CBLB: variants seen among roughly 807,000 people sequenced by gnomAD.
CBLB encodes the protein E3 ubiquitin-protein ligase CBL-B.
CBLB carries 31 observed loss-of-function variants against 104.9 expected under a neutral mutation model. The observed-to-expected ratio is 0.30, with a 90% confidence interval of 0.22 to 0.40. The LOEUF (loss-of-function observed/expected upper bound fraction) is 0.40. Ranked by LOEUF, CBLB falls within the 10% of genes least tolerant of loss-of-function variation. The pLI is 1.00. For missense variants in CBLB, 1,062 were observed against 1,214.6 expected (o/e 0.87, Z 1.87); for synonymous variants, 440 against 422.6 (o/e 1.04, Z -0.51).
chr3:105,855,515 TTAAA>T (rs2091488626), intron 2 of CBLB, among the ~76,000 whole-genome samples: 1 of 152,226 alleles, frequency 6.6e-6, no homozygotes, highest in African/African-American at 2.4e-5. Context: ...GTTATACACC[TTAAA>T]TAAATACAAT....
chr3:105,788,195 G>A (rs111939532), intron 3 of CBLB, among the ~76,000 whole-genome samples: 176 of 152,170 alleles, frequency 1.2e-3, no homozygotes, highest in African/African-American at 4.0e-3. Context: ...TCAATAATGT[G>A]ATCCAAATAT....
intron 12 of CBLB, among the ~76,000 whole-genome samples, chr3:105,694,512 G>A (rs1023062337): frequency 1.3e-5 from 2 of 151,812 alleles, no homozygotes; most frequent in Non-Finnish European, 2.9e-5. Context: ...TACATGTAAA[G>A]TAATTTGAGC....
intron 9 of CBLB, among the ~76,000 whole-genome samples, chr3:105,725,525 C>A (rs543998915): frequency 4.7e-4 from 71 of 152,328 alleles, no homozygotes; most frequent in African/African-American, 1.5e-3. Context: ...ACTTATTCTA[C>A]CAGATTTTAT....
Position 105,868,899 on chromosome 3 carries a change from A to G in CBLB, c.-178T>C. 1 of 1,009,512 alleles carries G rather than the reference A, an allele frequency of 9.9e-7. No individual in the cohort carries two copies. The highest frequency in any genetic ancestry group is 1.1e-4 in the East Asian group (1 of 8,864). The allele number at this position is 1,009,512 out of a possible 1,614,324, so 62.5% of individuals were successfully genotyped here. On this transcript the variant is annotated 5_prime_UTR_variant, in exon 1 of 19. Transcript: ENST00000394030. ...GCGCGCAGGCCTCCGAGACGTGGAA[A>G]CGCAACAATTACCGTCAAGACAAAT...
At chr3:105,857,505 T>C (rs2091728106) in intron 2 of CBLB, among the ~76,000 whole-genome samples, 1 of 152,160 alleles carries the variant, frequency 6.6e-6, no homozygotes, top group Non-Finnish European at 1.5e-5. Flanking sequence ...TCCATTCATT[T>C]CCAGATTTAA....
intron 4 of CBLB, among the ~76,000 whole-genome samples, chr3:105,760,797 G>A (rs1407987825): frequency 1.3e-5 from 2 of 152,152 alleles, no homozygotes; most frequent in Non-Finnish European, 2.9e-5. Flanking sequence ...ATATATTGTT[G>A]TGCATAATTA....
intron 10 of CBLB, among the ~76,000 whole-genome samples, chr3:105,711,958 G>A (rs969958016): frequency 6.6e-6 from 1 of 152,134 alleles, no homozygotes; most frequent in East Asian, 1.9e-4. Flanking sequence ...AATAAGAGCT[G>A]ATTTCTCTTT....
chr3:105,850,298 G>A (rs2153114043), intron 3 of CBLB, among the ~76,000 whole-genome samples: 1 of 151,954 alleles, frequency 6.6e-6, no homozygotes, highest in East Asian at 1.9e-4. Flanking sequence ...TGGGTATTTG[G>A]CCAGTATTCA....
In CBLB at chr3:105,792,115, T is replaced by C. The variant is rs116636245; in HGVS notation, c.420-15573A>G. Among the ~76,000 whole-genome samples, 780 of 152,286 alleles carry C rather than the reference T, an allele frequency of 5.1e-3. 5 individuals carry two copies. Among genetic ancestry groups the C allele is most frequent in the African/African-American group, 0.018 (763 of 41,550 alleles). On this transcript the variant is annotated intron_variant, in intron 3 of 18. Transcript: ENST00000394030. ...CAGAATCTCAGGTCCCACCCCAGAATTGCTGACTCAGAATATATACTTTAA... is the reference window on the plus strand; with the variant it reads ...CAGAATCTCAGGTCCCACCCCAGAACTGCTGACTCAGAATATATACTTTAA...
intron 12 of CBLB, among the ~76,000 whole-genome samples, chr3:105,699,603 G>A (rs1288776662): frequency 2.0e-5 from 3 of 152,168 alleles, no homozygotes; most frequent in African/African-American, 7.2e-5. Flanking sequence ...TCAGTTGTTA[G>A]TTGAAGCCAA....
intron 10 of CBLB, among the ~76,000 whole-genome samples, chr3:105,709,286 T>C (rs2070709312): frequency 6.6e-6 from 1 of 151,934 alleles, no homozygotes; most frequent in African/African-American, 2.4e-5. Context: ...AGTTTAAGAA[T>C]TGGATTAGGC....
At chr3:105,775,419 TATCAAAGTACTAAAAAA>T (rs1359117439) in intron 4 of CBLB, among the ~76,000 whole-genome samples, 8 of 152,160 alleles carry the variant, frequency 5.3e-5, no homozygotes, top group African/African-American at 1.9e-4. Context: ...CAGTTCAACA[TATCAAAGTACTAAAAAA>T]AGTGTATACT....
chr3:105,738,962 T>C (rs1028410912), intron 7 of CBLB, among the ~76,000 whole-genome samples: 28 of 152,184 alleles, frequency 1.8e-4, no homozygotes, highest in Non-Finnish European at 3.1e-4. Flanking sequence ...CAGGCTGGAG[T>C]GCAGTGGCAC....
At chr3:105,869,144 C>A, upstream of CBLB, 1 of 694,808 alleles carries the variant, frequency 1.4e-6, no homozygotes, top group Non-Finnish European at 2.1e-6. Context: ...GGACGGGAGG[C>A]GCCCGTCCTC....
intron 10 of CBLB, among the ~76,000 whole-genome samples, chr3:105,708,769 TTAAA>T (rs1159432686): frequency 1.3e-5 from 2 of 151,926 alleles, no homozygotes; most frequent in African/African-American, 4.8e-5. Context: ...GTTAATAAAA[TTAAA>T]TAATGCATTA....
intron 2 of CBLB, among the ~76,000 whole-genome samples, chr3:105,861,396 C>A (rs1221366143): frequency 4.6e-5 from 7 of 152,022 alleles, no homozygotes; most frequent in African/African-American, 1.4e-4. Flanking sequence ...AAATATTATG[C>A]CTTAAATCAC....
At chr3:105,755,223 C>T (rs1483402057) in intron 4 of CBLB, among the ~76,000 whole-genome samples, 1 of 152,064 alleles carries the variant, frequency 6.6e-6, no homozygotes, top group Non-Finnish European at 1.5e-5. Context: ...ATTCCCCTTC[C>T]TGTGTCCATG....
chr3:105,698,821 T>C (rs2068725007), intron 12 of CBLB, among the ~76,000 whole-genome samples: 1 of 152,006 alleles, frequency 6.6e-6, no homozygotes, highest in Non-Finnish European at 1.5e-5. Flanking sequence ...TCAAAATATC[T>C]CCCCTTTCTC....
chr3:105,775,758 A>G (rs1242082238), intron 4 of CBLB, among the ~76,000 whole-genome samples: 1 of 152,262 alleles, frequency 6.6e-6, no homozygotes, highest in Non-Finnish European at 1.5e-5. Context: ...CAAGCTCACC[A>G]GAATCTGTGT....
Sources: allele counts gnomAD v4.1 joint callset (sites outside exome capture counted in the v4.1 genomes callset), GRCh38; gene constraint gnomAD v4.1.1; transcripts MANE v1.5; gene names NCBI Gene and HGNC (gene_info 2026-07-23, HGNC 2026-07-21).